Variants in ZNF555 observed in about 807,000 individuals in gnomAD.
ZNF555 encodes the protein zinc finger protein 555.
Under a neutral mutation model 14.0 loss-of-function variants are expected in ZNF555, and 10 were observed. The observed-to-expected ratio is 0.72, with a 90% confidence interval of 0.44 to 1.21. The LOEUF is 1.21. ZNF555 is among the 50% of genes most tolerant of loss of function. ZNF555 has a pLI of 0.00. For missense variants in ZNF555, 747 were observed against 762.0 expected, an observed-to-expected ratio of 0.98 and a Z score of 0.23; for synonymous variants, 277 against 262.4, an observed-to-expected ratio of 1.06 and a Z score of -0.54.
At chr19:2,848,457 G>A (rs536796903) in intron 1 of ZNF555, among the ~76,000 whole-genome samples, 121 of 150,136 alleles carry the variant, frequency 8.1e-4, no homozygotes, top group African/African-American at 2.9e-3. Flanking sequence ...CAGCCACCCA[G>A]GATTTTTTTT....
chr19:2,849,386 T>TA (rs2087608976), intron 1 of ZNF555, among the ~76,000 whole-genome samples: 1 of 152,166 alleles, frequency 6.6e-6, no homozygotes, highest in African/African-American at 2.4e-5. Flanking sequence ...CTATGTCTTT[T>TA]ATAACCATTG....
chr19:2,842,835 G>A (rs554997959), intron 1 of ZNF555, among the ~76,000 whole-genome samples: 14 of 152,298 alleles, frequency 9.2e-5, no homozygotes, highest in African/African-American at 3.4e-4. Flanking sequence ...TTGAGGTCAG[G>A]AGTTGGGGAC....
chr19:2,845,717 A>C (rs1317879454), intron 1 of ZNF555, among the ~76,000 whole-genome samples: 1 of 152,102 alleles, frequency 6.6e-6, no homozygotes, highest in Non-Finnish European at 1.5e-5. Context: ...AGTGGTGTTG[A>C]GCATTTTTTC....
chr19:2,851,737 A>G, intron 3 of ZNF555, 86 bp downstream of exon 3: 1 of 1,240,408 alleles, frequency 8.1e-7, no homozygotes, highest in Non-Finnish European at 1.1e-6. Flanking sequence ...CAAACAGAAA[A>G]CTCATCCAAG....
intron 1 of ZNF555, 51 bp downstream of exon 1, chr19:2,841,626 A>G (rs2087536682): frequency 7.3e-6 from 10 of 1,371,218 alleles, no homozygotes; most frequent in African/African-American, 1.7e-5. Flanking sequence ...GGAACCGGCG[A>G]CCGCCCGAGA....
Position 2,859,185 on chromosome 19 carries a change from AT to A in ZNF555, c.*5234del, listed in dbSNP as rs373004963. ...AAAAGAGCTGTGCTTTGTTGGGGCT[AT>A]CTGGGAGTTTCCGCCTTCCATGAAG... On this transcript the variant is annotated 3_prime_UTR_variant, in exon 4 of 4. Transcript: ENST00000334241. 3 of 152,372 alleles carry A rather than the reference AT, an allele frequency of 2.0e-5. No individual in the cohort carries two copies. The highest frequency in any genetic ancestry group is 7.2e-5 in the African/African-American group (3 of 41,586). 9.4% of individuals were successfully genotyped at this position (152,372 alleles called of 1,614,324 possible).
At chr19:2,849,093 G>A (rs1172596198) in intron 1 of ZNF555, among the ~76,000 whole-genome samples, 1 of 152,214 alleles carries the variant, frequency 6.6e-6, no homozygotes, top group Non-Finnish European at 1.5e-5. Context: ...GTGCCAGTAG[G>A]AGGGTCCTGT....
At chr19:2,846,768 A>G (rs1381578521) in intron 1 of ZNF555, among the ~76,000 whole-genome samples, 1 of 152,186 alleles carries the variant, frequency 6.6e-6, no homozygotes, top group Admixed American at 6.5e-5. Context: ...AGAGTTTCCT[A>G]AGCGCTTTTG....
rs2087687652 is a variant in ZNF555 at position 2,856,921 on chromosome 19, G to A, written c.*2969G>A. On this transcript the variant is annotated 3_prime_UTR_variant, in exon 4 of 4. Coordinates refer to ENST00000334241, the MANE Select transcript of ZNF555 (RefSeq NM_152791.5). Reference sequence around the variant, plus strand: ...GTTTGATGGTTTTTGTGGTTTAGAGGTGAGTTCCGGAAAAAAAGAAGACAT... The same window carrying A: ...GTTTGATGGTTTTTGTGGTTTAGAGATGAGTTCCGGAAAAAAAGAAGACAT... The A allele has an allele frequency of 6.6e-6, 1 of 152,162 alleles. No individual in the cohort carries two copies. Among genetic ancestry groups the A allele is most frequent in the Admixed American group, 6.5e-5 (1 of 15,278 alleles). 9.4% of individuals were successfully genotyped at this position (152,162 alleles called of 1,614,324 possible). A position where few individuals can be genotyped will look rare whatever the true frequency, so the allele number is the denominator to read the frequency against.
chr19:2,854,735 T>G lies in ZNF555; in HGVS notation c.*783T>G, dbSNP rs749105802. ...TCAAGAGTACCATCAAAAGAAACAC[T>G]TAAGTGCTTGATTTCCACTGTGTCA... On this transcript the variant is annotated 3_prime_UTR_variant, in exon 4 of 4. Transcript: ENST00000334241. The G allele has an allele frequency of 2.6e-5, 4 of 152,368 alleles. No homozygotes were observed. Among genetic ancestry groups the G allele is most frequent in the Non-Finnish European group, 5.9e-5 (4 of 68,070 alleles). The allele number at this position is 152,368 out of a possible 1,614,324, so 9.4% of individuals were successfully genotyped here.
intron 1 of ZNF555, among the ~76,000 whole-genome samples, chr19:2,846,641 C>G (rs2087584475): frequency 6.6e-6 from 1 of 152,210 alleles, no homozygotes; most frequent in Non-Finnish European, 1.5e-5. Context: ...CAGTCAAGTC[C>G]ACGCCGTTGG....
Position 2,852,284 on chromosome 19 carries a change from A to G in ZNF555, c.315-96A>G, listed in dbSNP as rs114038548. On this transcript the variant is annotated intron_variant, in intron 3 of 3. Transcript: ENST00000334241. ...ACAGTTCCCATGGGGTGAAAAACCT[A>G]TGCTTTCACTGAAAATGGTTAAGAT... 17 of 1,474,698 alleles carry G rather than the reference A, an allele frequency of 1.2e-5. No homozygotes were observed. In the African/African-American group the frequency reaches 1.2e-4, roughly 11 times the overall value. 91.4% of individuals were successfully genotyped at this position (1,474,698 alleles called of 1,614,324 possible).
intron 1 of ZNF555, 124 bp from the exon 2 acceptor site, chr19:2,850,463 A>G: frequency 7.4e-7 from 1 of 1,353,706 alleles, no homozygotes. Flanking sequence ...AGGTGTGACA[A>G]CTGAGTCACA....
chr19:2,843,968 A>G (rs916973375), intron 1 of ZNF555, among the ~76,000 whole-genome samples: 4 of 152,082 alleles, frequency 2.6e-5, no homozygotes, highest in Non-Finnish European at 4.4e-5. Context: ...TACTGGGTTC[A>G]AGTGATTCTC....
At chr19:2,847,662 T>A (rs1187470755) in intron 1 of ZNF555, among the ~76,000 whole-genome samples, 1 of 152,018 alleles carries the variant, frequency 6.6e-6, no homozygotes, top group African/African-American at 2.4e-5. Flanking sequence ...TTAAAAAAAA[T>A]AAAAAATAAA....
chr19:2,851,453 A>G lies in ZNF555; in HGVS notation c.131-15A>G. 6.4e-7 allele frequency: 1 copy of G among 1,559,350 alleles called. No homozygotes were observed. The highest frequency in any genetic ancestry group is 2.1e-5 in the Admixed American group (1 of 47,936). On this transcript the variant is annotated splice_polypyrimidine_tract_variant and intron_variant, in intron 2 of 3. Transcript: ENST00000334241. ...AAGTGCCTTCTTATATGATTTGTTT[A>G]CTTTTTGGTTTCAGATGATGAAACT...
At chr19:2,844,045 CTTTTCTTTTCTTTT>C in intron 1 of ZNF555, among the ~76,000 whole-genome samples, 1 of 149,618 alleles carries the variant, frequency 6.7e-6, no homozygotes, top group East Asian at 2.0e-4. Flanking sequence ...ATCTATCTTT[CTTTTCTTTTCTTTT>C]TTTTCTTTCT....
At position 2,857,798 on chromosome 19, in the gene ZNF555, A is replaced by G. The variant is rs1394667172; in HGVS notation, c.*3846A>G. ...GTTGAGGCTGCAGTGAACTATGATC[A>G]TGCACTGCACTCTACACTGGGCGAC... is the stretch of plus-strand genomic sequence containing the variant. On this transcript the variant is annotated 3_prime_UTR_variant, in exon 4 of 4. Transcript: ENST00000334241. The G allele has an allele frequency of 1.3e-5, 2 of 152,184 alleles. No homozygotes were observed. Among genetic ancestry groups the G allele is most frequent in the Admixed American group, 6.5e-5 (1 of 15,274 alleles). 9.4% of individuals were successfully genotyped at this position (152,184 alleles called of 1,614,324 possible).
intron 2 of ZNF555, 89 bp downstream of exon 2, chr19:2,850,802 G>A (rs962483222): frequency 3.3e-6 from 5 of 1,526,652 alleles, no homozygotes; most frequent in Non-Finnish European, 2.7e-6. Flanking sequence ...CTTGGAATGT[G>A]GAAAGGGAAT....
Sources: allele counts gnomAD v4.1 joint callset (sites outside exome capture counted in the v4.1 genomes callset), GRCh38; gene constraint gnomAD v4.1.1; transcripts MANE v1.5; gene names NCBI Gene and HGNC (gene_info 2026-07-23, HGNC 2026-07-21).